RBFOX1: variants seen among roughly 807,000 people sequenced by gnomAD.
RBFOX1 encodes RNA binding protein fox-1 homolog 1.
Under a neutral mutation model 57.7 loss-of-function variants are expected in RBFOX1, and 8 were observed. The observed-to-expected ratio is 0.14, with a 90% CI of 0.08 to 0.25. The LOEUF is 0.25. Among genes scored for constraint, RBFOX1 ranks in the 10% least tolerant of loss-of-function variants. RBFOX1 has a pLI of 1.00. For synonymous variants in RBFOX1, 326 were observed against 222.4 expected (o/e 1.47, Z -4.15); for missense variants, 611 against 548.5 (o/e 1.11, Z -1.14).
intron 2 of RBFOX1, among the ~76,000 whole-genome samples, chr16:5,485,445 C>A (rs984809652): frequency 1.3e-5 from 2 of 150,488 alleles, no homozygotes; most frequent in Non-Finnish European, 3.0e-5. Context: ...ATCATCAGTA[C>A]CATTTTAGAG....
Position 7,212,562 on chromosome 16 carries a change from C to A in RBFOX1, c.27+160464C>A, listed in dbSNP as rs939199112. ...ATCAGTCCTGGGCACGAACATTTTT[C>A]CAAGCAGAGTAGTCTCACATCCCTT... On this transcript the variant is annotated intron_variant, in intron 4 of 15. Coordinates refer to ENST00000550418, the MANE Select transcript of RBFOX1 (RefSeq NM_018723.4). 7.2e-5 allele frequency among the ~76,000 whole-genome samples: 11 copies of A among 152,128 alleles called. No homozygotes were observed. The South Asian group carries it at 2.1e-3, about 29-fold the overall frequency.
intron 2 of RBFOX1, among the ~76,000 whole-genome samples, chr16:6,353,076 T>C (rs2086682099): frequency 6.6e-6 from 1 of 152,094 alleles, no homozygotes; most frequent in South Asian, 2.1e-4. Context: ...ACTTCTTCTT[T>C]TGAGAGGATT....
intron 4 of RBFOX1, among the ~76,000 whole-genome samples, chr16:7,466,369 C>T (rs1173492850): frequency 6.6e-6 from 1 of 152,162 alleles, no homozygotes; most frequent in East Asian, 1.9e-4. Flanking sequence ...GCGCTTCTAA[C>T]TGCATTATCT....
At chr16:5,866,599 C>T (rs564094835) in intron 3 of RBFOX1, among the ~76,000 whole-genome samples, 161 of 152,304 alleles carry the variant, frequency 1.1e-3, no homozygotes, top group African/African-American at 3.7e-3. Flanking sequence ...ACACCAAATC[C>T]TTTGATATAC....
chr16:6,836,679 A>G (rs2093122725), intron 3 of RBFOX1, among the ~76,000 whole-genome samples: 1 of 152,230 alleles, frequency 6.6e-6, no homozygotes, highest in South Asian at 2.1e-4. Context: ...TTATGCCCCT[A>G]ATTTATCCTG....
chr16:6,246,748 G>A (rs774996555), intron 1 of RBFOX1, among the ~76,000 whole-genome samples: 5 of 152,140 alleles, frequency 3.3e-5, no homozygotes, highest in Admixed American at 1.3e-4. Flanking sequence ...TGGTGCTGCC[G>A]CGGTCTCTAT....
Position 6,871,921 on chromosome 16 carries a change from G to C in RBFOX1, c.-15-180136G>C, listed in dbSNP as rs1160350928. ...AGAGAGGGAGAGAGTCTGTGTGTGT[G>C]TGTGTGTGTGTGTGTGTGTGTGTGT... is the stretch of plus-strand genomic sequence containing the variant. On this transcript the variant is annotated intron_variant, in intron 3 of 15. Transcript: ENST00000550418. Among the ~76,000 whole-genome samples, 22 of 137,618 alleles carry C rather than the reference G, an allele frequency of 1.6e-4. No individual in the cohort carries two copies. In the East Asian group the frequency reaches 3.4e-3, roughly 21 times the overall value. The allele number at this position is 137,618 out of a possible 152,430, so 90.3% of individuals were successfully genotyped here. A position where few individuals can be genotyped will look rare whatever the true frequency, so the allele number is the denominator to read the frequency against.
chr16:6,640,184 A>G (rs952330253), intron 2 of RBFOX1, among the ~76,000 whole-genome samples: 1 of 152,030 alleles, frequency 6.6e-6, no homozygotes, highest in African/African-American at 2.4e-5. Context: ...AGCTTATTGA[A>G]TTTTCTCTCA....
intron 1 of RBFOX1, among the ~76,000 whole-genome samples, chr16:6,098,606 C>T (rs184221293): frequency 1.2e-4 from 19 of 152,320 alleles, no homozygotes; most frequent in Admixed American, 2.6e-4. Context: ...CTGGCTGCTG[C>T]CAAGGGCCAT....
intron 3 of RBFOX1, among the ~76,000 whole-genome samples, chr16:6,800,257 A>C (rs2085080094): frequency 6.9e-6 from 1 of 145,818 alleles, no homozygotes; most frequent in South Asian, 2.1e-4. Flanking sequence ...CAGTTTTAGC[A>C]CTCAGCATTG....
In RBFOX1 at chr16:5,951,847, T is replaced by G. The variant is rs184971171; in HGVS notation, c.351+84512T>G. Among the ~76,000 whole-genome samples, 1,401 of 150,800 alleles carry G rather than the reference T, an allele frequency of 9.3e-3. 24 individuals carry two copies. Among genetic ancestry groups the G allele is most frequent in the African/African-American group, 0.032 (1,301 of 40,252 alleles). On this transcript the variant is annotated intron_variant, in intron 4 of 19. Transcript: ENST00000641259. ...GATTTTGCATTTTCCAAAAGTAGTG[T>G]GTGCGCGTGTGTGTGTGTATATATG...
chr16:6,021,669 A>G (rs1392302854), intron 1 of RBFOX1, among the ~76,000 whole-genome samples: 1 of 152,180 alleles, frequency 6.6e-6, no homozygotes. Flanking sequence ...CGGTAGTGGA[A>G]GTGACACCTT....
intron 3 of RBFOX1, among the ~76,000 whole-genome samples, chr16:5,720,841 G>A (rs1204300159): frequency 6.6e-6 from 1 of 152,142 alleles, no homozygotes; most frequent in East Asian, 1.9e-4. Flanking sequence ...TAGCTTTGTA[G>A]AAATATTTTA....
chr16:7,015,532 C>G (rs982162457), intron 3 of RBFOX1, among the ~76,000 whole-genome samples: 1 of 152,166 alleles, frequency 6.6e-6, no homozygotes, highest in African/African-American at 2.4e-5. Flanking sequence ...AATCAAGCAT[C>G]AATTAATTCT....
At chr16:6,493,392 G>C (rs1405980805) in intron 2 of RBFOX1, among the ~76,000 whole-genome samples, 1 of 152,112 alleles carries the variant, frequency 6.6e-6, no homozygotes, top group Non-Finnish European at 1.5e-5. Flanking sequence ...GTACACACTT[G>C]TCATTCATCG....
chr16:7,237,194 C>G (rs772686073), intron 4 of RBFOX1, among the ~76,000 whole-genome samples: 6 of 152,176 alleles, frequency 3.9e-5, no homozygotes, highest in Non-Finnish European at 8.8e-5. Flanking sequence ...AAAATAACTT[C>G]CCTTGCCTGG....
At chr16:5,804,652 T>C (rs1343086800) in intron 3 of RBFOX1, among the ~76,000 whole-genome samples, 1 of 152,104 alleles carries the variant, frequency 6.6e-6, no homozygotes, top group Non-Finnish European at 1.5e-5. Flanking sequence ...TCCCTTCCCC[T>C]CTTCTGCCCA....
At chr16:6,886,128 C>G (rs34747147) in intron 3 of RBFOX1, among the ~76,000 whole-genome samples, 30,112 of 147,584 alleles carry the variant, frequency 0.2, 3,221 homozygotes, top group East Asian at 0.29. Context: ...GTGACGTGAT[C>G]TCGGCTCACT....
intron 3 of RBFOX1, among the ~76,000 whole-genome samples, chr16:6,961,317 G>T (rs12923619): frequency 0.61 from 93,164 of 152,050 alleles, 28,682 homozygotes; most frequent in Non-Finnish European, 0.63. Flanking sequence ...TCCTGGCCAT[G>T]CAAGTGGAGC....
Sources: gnomAD v4.1 joint callset for allele counts (sites outside exome capture counted in the v4.1 genomes callset) on GRCh38, gnomAD v4.1.1 for gene constraint, MANE v1.5 for transcripts, NCBI Gene and HGNC (gene_info 2026-07-23, HGNC 2026-07-21) for gene names.